NLGN1: variants seen among roughly 807,000 people sequenced by gnomAD.
NLGN1 encodes neuroligin 1.
NLGN1 carries 12 observed loss-of-function variants against 65.5 expected under a neutral mutation model. That is an observed-to-expected ratio of 0.18 (90% CI 0.12 to 0.30). The LOEUF (loss-of-function observed/expected upper bound fraction) is 0.30. NLGN1 is among the 10% of genes least tolerant of loss of function. The pLI is 1.00. For missense variants in NLGN1, 750 were observed against 1,007.1 expected (o/e 0.74, Z 3.46); for synonymous variants, 350 against 359.5 (o/e 0.97, Z 0.30).
At chr3:174,120,185 T>A (rs1477426840) in intron 4 of NLGN1, among the ~76,000 whole-genome samples, 1 of 151,986 alleles carries the variant, frequency 6.6e-6, no homozygotes, top group Non-Finnish European at 1.5e-5. Context: ...TAGCAAGTAT[T>A]GAAAAAAAGT....
At chr3:173,754,648 AT>A (rs1249156547) in intron 3 of NLGN1, among the ~76,000 whole-genome samples, 1 of 152,146 alleles carries the variant, frequency 6.6e-6, no homozygotes, top group Admixed American at 6.6e-5. Flanking sequence ...GAATGAATAC[AT>A]TGGTAGGAAA....
chr3:174,167,489 T>G (rs1727712291), intron 4 of NLGN1, among the ~76,000 whole-genome samples: 1 of 152,122 alleles, frequency 6.6e-6, no homozygotes, highest in African/African-American at 2.4e-5. Context: ...GTCTTTTCTT[T>G]TAGAATGCTT....
intron 1 of NLGN1, among the ~76,000 whole-genome samples, chr3:173,426,313 G>A (rs575941849): frequency 1.3e-5 from 2 of 151,958 alleles, no homozygotes; most frequent in East Asian, 3.9e-4. Context: ...TCATTTGCAT[G>A]CCTTTTTTTT....
intron 4 of NLGN1, among the ~76,000 whole-genome samples, chr3:173,881,238 A>G (rs532639214): frequency 1.2e-3 from 186 of 151,058 alleles, no homozygotes; most frequent in African/African-American, 4.3e-3. Context: ...AGCTGGGACA[A>G]TAGGCGCACA....
rs981558141 is a variant in NLGN1, at chr3:173,946,249, C to T, written c.646+138417C>T. Among the ~76,000 whole-genome samples, 9 of 152,234 alleles carry T rather than the reference C, an allele frequency of 5.9e-5. 2 individuals carry two copies. Among genetic ancestry groups the T allele is most frequent in the Admixed American group, 6.5e-5 (1 of 15,288 alleles). ...CAAAATCACTTCTTAATCAATCATG[C>T]AGAGATAACCAATTTAATATTTTAA... On this transcript the variant is annotated intron_variant, in intron 4 of 6. Coordinates refer to ENST00000457714, the Ensembl canonical transcript of NLGN1.
In NLGN1 at chr3:174,043,144, A is replaced by G. The variant is rs985067017; in HGVS notation, c.647-232171A>G. ...GAACAGTATAAGGGAAGCTTTTCCC[A>G]TGATTCAGTTACCTCCACCTGATCC... On this transcript the variant is annotated intron_variant, in intron 4 of 6. Transcript: ENST00000457714. Among the ~76,000 whole-genome samples the G allele has an allele frequency of 4.6e-5, 7 of 152,200 alleles. No individual in the cohort carries two copies. In the East Asian group the frequency reaches 1.2e-3, roughly 25 times the overall value.
intron 2 of NLGN1, among the ~76,000 whole-genome samples, chr3:173,487,485 T>G (rs2164423): frequency 0.47 from 71,817 of 151,716 alleles, 19,471 homozygotes; most frequent in East Asian, 0.83. Context: ...TAAGTAATAT[T>G]ATCTTTTTTT....
intron 4 of NLGN1, among the ~76,000 whole-genome samples, chr3:174,243,865 A>G (rs1457184114): frequency 6.6e-6 from 1 of 152,186 alleles, no homozygotes; most frequent in Non-Finnish European, 1.5e-5. Flanking sequence ...TACAGAGAAC[A>G]CTGTTTCACA....
chr3:174,002,172 GGCTGGAGT>G (rs1405662270), intron 4 of NLGN1, among the ~76,000 whole-genome samples: 2 of 152,040 alleles, frequency 1.3e-5, no homozygotes, highest in African/African-American at 4.8e-5. Flanking sequence ...CTGTTGCCCA[GGCTGGAGT>G]GCAGTGGCAC....
At chr3:173,494,990 A>G (rs1018333469) in intron 2 of NLGN1, among the ~76,000 whole-genome samples, 45 of 151,816 alleles carry the variant, frequency 3.0e-4, no homozygotes, top group African/African-American at 9.5e-4. Context: ...TCAACATTCT[A>G]GATGCTTTGC....
chr3:173,451,601 A>G (rs569891412), intron 2 of NLGN1, among the ~76,000 whole-genome samples: 1 of 152,274 alleles, frequency 6.6e-6, no homozygotes, highest in South Asian at 2.1e-4. Context: ...AGACAGGGAC[A>G]TTTAAGTCTG....
At chr3:173,670,371 T>C (rs1762289662) in intron 3 of NLGN1, among the ~76,000 whole-genome samples, 2 of 152,196 alleles carry the variant, frequency 1.3e-5, no homozygotes, top group Admixed American at 1.3e-4. Flanking sequence ...AAAACAGTGA[T>C]GTGTCATTCA....
At chr3:174,187,141 A>G (rs2152754722) in intron 4 of NLGN1, among the ~76,000 whole-genome samples, 1 of 151,746 alleles carries the variant, frequency 6.6e-6, no homozygotes, top group East Asian at 1.9e-4. Flanking sequence ...TTTTTTATTT[A>G]TTCATTTTTT....
At chr3:174,191,615 G>A (rs192419978) in intron 4 of NLGN1, among the ~76,000 whole-genome samples, 110 of 152,274 alleles carry the variant, frequency 7.2e-4, no homozygotes, top group Middle Eastern at 3.4e-3. Flanking sequence ...GCCTGTGCTT[G>A]TGTGAACAGG....
chr3:174,291,387 A>C (rs1577852757), downstream of NLGN1, among the ~76,000 whole-genome samples: 3 of 151,332 alleles, frequency 2.0e-5, no homozygotes, highest in East Asian at 5.8e-4. Context: ...CATTTTCAAA[A>C]GGCACACTGA....
At chr3:174,234,985 CTTTTTTTTTTTTTTTTTT>C (rs748911027) in intron 4 of NLGN1, among the ~76,000 whole-genome samples, 1 of 65,744 alleles carries the variant, frequency 1.5e-5, no homozygotes, top group Non-Finnish European at 2.5e-5. Context: ...AAGGAATCAC[CTTTTTTTTTTTTTTTTTT>C]TTTTTTTTTT....
chr3:173,717,889 G>T (rs1225617306), intron 3 of NLGN1, among the ~76,000 whole-genome samples: 1 of 152,142 alleles, frequency 6.6e-6, no homozygotes, highest in Non-Finnish European at 1.5e-5. Context: ...AAATGTGCAT[G>T]ATGTAGGTAC....
chr3:173,755,525 A>G (rs534207449), intron 3 of NLGN1, among the ~76,000 whole-genome samples: 9 of 152,252 alleles, frequency 5.9e-5, no homozygotes, highest in Non-Finnish European at 1.3e-4. Context: ...AGGCAGGCCC[A>G]TGTGACTTAT....
chr3:173,884,349 C>A (rs1026372995), intron 4 of NLGN1, among the ~76,000 whole-genome samples: 1 of 152,170 alleles, frequency 6.6e-6, no homozygotes, highest in African/African-American at 2.4e-5. Flanking sequence ...AACATCCCGT[C>A]CTAGTCTTAC....
Sources: allele counts gnomAD v4.1 joint callset (sites outside exome capture counted in the v4.1 genomes callset), GRCh38; gene constraint gnomAD v4.1.1; transcripts MANE v1.5; gene names NCBI Gene and HGNC (gene_info 2026-07-23, HGNC 2026-07-21).